Variants in ENPEP observed in about 807,000 individuals in gnomAD.
The protein encoded by ENPEP is AP-A.
Under a neutral mutation model 114.5 loss-of-function variants are expected in ENPEP, and 103 were observed. The ratio of observed to expected loss-of-function variants is 0.90; its 90% confidence interval spans 0.77 to 1.06. ENPEP has a LOEUF of 1.06. ENPEP is among the 50% of genes least tolerant of loss of function. ENPEP has a pLI of 0.00. For missense variants in ENPEP, 1,196 were observed against 1,161.3 expected (o/e 1.03, Z -0.43); for synonymous variants, 420 against 422.0 (o/e 1.00, Z 0.06).
At chr4:110,511,463 C>T (rs1468025177) in intron 6 of ENPEP, among the ~76,000 whole-genome samples, 2 of 152,078 alleles carry the variant, frequency 1.3e-5, no homozygotes, top group African/African-American at 2.4e-5. Flanking sequence ...CAAAAATCTC[C>T]TCCAGTTGAA....
chr4:110,561,369 T>C lies in ENPEP; in HGVS notation c.2722-37T>C, dbSNP rs765284017. 5.6e-6 allele frequency: 9 copies of C among 1,601,108 alleles called. No individual in the cohort carries two copies. The African/African-American group carries it at 1.1e-4, about 19-fold the overall frequency. Reference sequence around the variant, plus strand: ...AAATTCTTGAAGACTAATTTGGCTATAAATGACAATCCTAATTACTCCCCT... The same window carrying C: ...AAATTCTTGAAGACTAATTTGGCTACAAATGACAATCCTAATTACTCCCCT... On this transcript the variant is annotated intron_variant, in intron 19 of 19. Transcript: ENST00000265162.
At chr4:110,494,313 C>A (rs1724845902) in intron 3 of ENPEP, among the ~76,000 whole-genome samples, 1 of 152,096 alleles carries the variant, frequency 6.6e-6, no homozygotes, top group South Asian at 2.1e-4. Context: ...TGGGGTGCAT[C>A]AAAGCATCCC....
At chr4:110,544,031 T>C (rs921208209) in intron 13 of ENPEP, among the ~76,000 whole-genome samples, 3 of 152,074 alleles carry the variant, frequency 2.0e-5, no homozygotes, top group Admixed American at 6.6e-5. Context: ...AAGAATAGTA[T>C]AGTAGTACTA....
At chr4:110,518,812 G>A (rs1274387729) in intron 8 of ENPEP, among the ~76,000 whole-genome samples, 2 of 152,090 alleles carry the variant, frequency 1.3e-5, no homozygotes, top group African/African-American at 4.8e-5. Context: ...CCAGTTCCAC[G>A]ATTGCATGGT....
At chr4:110,537,869 G>A (rs1428891353) in intron 11 of ENPEP, among the ~76,000 whole-genome samples, 1 of 152,162 alleles carries the variant, frequency 6.6e-6, no homozygotes, top group East Asian at 1.9e-4. Flanking sequence ...ATTTCCATAA[G>A]AGCTCATGGA....
At chr4:110,519,193 C>G in intron 8 of ENPEP, 1 of 426,594 alleles carries the variant, frequency 2.3e-6, no homozygotes, top group South Asian at 1.7e-5. Flanking sequence ...ACTGTTTTAT[C>G]TCTATGTCTG....
intron 10 of ENPEP, among the ~76,000 whole-genome samples, chr4:110,524,840 C>T (rs565211755): frequency 1.3e-5 from 2 of 152,294 alleles, no homozygotes; most frequent in Admixed American, 1.3e-4. Flanking sequence ...CTTACTGCAG[C>T]CTCAATCTCC....
At chr4:110,556,636 G>A (rs1727483682) in intron 18 of ENPEP, among the ~76,000 whole-genome samples, 1 of 152,020 alleles carries the variant, frequency 6.6e-6, no homozygotes, top group Non-Finnish European at 1.5e-5. Context: ...AATACAAGTA[G>A]TGGTAGAAGT....
At chr4:110,527,799 TA>T (rs1726253052) in intron 10 of ENPEP, among the ~76,000 whole-genome samples, 1 of 152,230 alleles carries the variant, frequency 6.6e-6, no homozygotes, top group Non-Finnish European at 1.5e-5. Context: ...AATTTCCCAG[TA>T]ACTGTTACTT....
intron 3 of ENPEP, among the ~76,000 whole-genome samples, chr4:110,497,714 G>A (rs1164467713): frequency 6.6e-6 from 1 of 152,100 alleles, no homozygotes; most frequent in Admixed American, 6.6e-5. Context: ...CGGAAAAAAA[G>A]GTGTTTTTTC....
At chr4:110,512,179 T>A (rs1277640581) in intron 6 of ENPEP, among the ~76,000 whole-genome samples, 2 of 152,204 alleles carry the variant, frequency 1.3e-5, no homozygotes, top group African/African-American at 2.4e-5. Flanking sequence ...AAGGGTCAGA[T>A]AGATAAAGAT....
At chr4:110,549,314 G>T (rs771409061) in intron 14 of ENPEP, 32 bp from the exon 15 acceptor site, 3 of 1,554,484 alleles carry the variant, frequency 1.9e-6, no homozygotes, top group Non-Finnish European at 8.9e-7. Flanking sequence ...GTAGTAAATT[G>T]TTACTTATTG....
At chr4:110,487,194 A>G (rs1484733297) in intron 1 of ENPEP, among the ~76,000 whole-genome samples, 1 of 152,122 alleles carries the variant, frequency 6.6e-6, no homozygotes, top group Non-Finnish European at 1.5e-5. Context: ...AGGCTGCATG[A>G]CCCCTAAACT....
At chr4:110,527,229 A>T (rs892608105) in intron 10 of ENPEP, among the ~76,000 whole-genome samples, 2 of 152,186 alleles carry the variant, frequency 1.3e-5, no homozygotes, top group African/African-American at 4.8e-5. Flanking sequence ...GCCAGTTGAC[A>T]CCTGAACTGG....
chr4:110,541,065 A>G (rs1578414773), intron 11 of ENPEP, among the ~76,000 whole-genome samples: 1 of 152,170 alleles, frequency 6.6e-6, no homozygotes. Context: ...CTTCTGATAC[A>G]AACATTCAAA....
Position 110,520,315 on chromosome 4 carries a change from G to A in ENPEP, c.1676G>A (p.Arg559His), listed in dbSNP as rs780680598. ...VNGVKNITQK[R>H]FLLDPRANPS... ...GGTGTCAAGAACATCACACAGAAAC[G>A]CTTTTTGTTGGACCCAAGAGCTAAC... Residue 559 changes from arginine (R) to histidine (H), a missense_variant, in exon 10 of 20, where the codon CGC (arginine) becomes CAC (histidine). Transcript: ENST00000265162. The A allele has an allele frequency of 1.7e-5, 27 of 1,613,862 alleles. No individual in the cohort carries two copies. The highest frequency in any genetic ancestry group is 8.3e-5 in the Admixed American group (5 of 59,994).
At chr4:110,528,160 AT>A (rs1225026726) in intron 10 of ENPEP, among the ~76,000 whole-genome samples, 3 of 151,994 alleles carry the variant, frequency 2.0e-5, no homozygotes, top group Admixed American at 2.0e-4. Context: ...AGTTGCATGA[AT>A]TTTTTTGTGA....
chr4:110,529,381 C>T (rs522426), intron 10 of ENPEP, among the ~76,000 whole-genome samples: 98,459 of 152,042 alleles, frequency 0.65, 32,602 homozygotes, highest in East Asian at 0.89. Flanking sequence ...AGTTTGGTGT[C>T]CCTAGAAGCA....
chr4:110,476,474 C>T lies in ENPEP; in HGVS notation c.60C>T (p.Ala20=). Residue 20 remains alanine, a synonymous_variant, in exon 1 of 20, where the codon GCC becomes GCT. Transcript: ENST00000265162. ...KRYCIQTKHV[A]ILCAVVVGVG... ...ACTGCATTCAAACGAAACATGTGGC[C>T]ATTCTCTGTGCGGTGGTGGTGGGTG... 1 of 1,561,846 alleles carries T rather than the reference C, an allele frequency of 6.4e-7. No individual in the cohort carries two copies. The highest frequency in any genetic ancestry group is 1.2e-5 in the South Asian group (1 of 82,654).
Sources: gnomAD v4.1 joint callset for allele counts (sites outside exome capture counted in the v4.1 genomes callset) on GRCh38, gnomAD v4.1.1 for gene constraint, MANE v1.5 for transcripts, NCBI Gene and HGNC (gene_info 2026-07-23, HGNC 2026-07-21) for gene names.